Variants in STAU2 observed in about 807,000 individuals in gnomAD.
STAU2 encodes double-stranded RNA-binding protein Staufen homolog 2.
A neutral mutation model predicts 65.9 loss-of-function variants in STAU2; 20 were observed. The ratio of observed to expected loss-of-function variants is 0.30; its 90% CI spans 0.21 to 0.44. The LOEUF is 0.44. STAU2 is among the 20% of genes least tolerant of loss of function. STAU2 has a pLI of 1.00. For synonymous variants in STAU2, 232 were observed against 233.9 expected (o/e 0.99, Z 0.07); for missense variants, 558 against 683.9 (o/e 0.82, Z 2.05).
intron 12 of STAU2, among the ~76,000 whole-genome samples, chr8:73,567,522 A>AT (rs140460978): frequency 0.1 from 15,251 of 149,714 alleles, 1,170 homozygotes; most frequent in East Asian, 0.44. Flanking sequence ...AAAAAAATTG[A>AT]TTTTTTTTTC....
chr8:73,603,957 A>C, intron 9 of STAU2, 94 bp from the exon 10 acceptor site: 1 of 1,295,074 alleles, frequency 7.7e-7, no homozygotes, highest in Non-Finnish European at 1.0e-6. Flanking sequence ...CCACCCCCAC[A>C]CCCCAAAACT....
In STAU2 at chr8:73,438,015, G is replaced by A. The variant is rs150336613; in HGVS notation, c.1531-15313C>T. ...GCTCCCTCCTGCCTCAGGGATTCCC[G>A]CTGGCTAGTCCCTCTGGCCATCCCT... On this transcript the variant is annotated intron_variant, in intron 13 of 14. Coordinates refer to ENST00000524300, the MANE Select transcript of STAU2 (RefSeq NM_001164380.2). 9.8e-4 allele frequency among the ~76,000 whole-genome samples: 149 copies of A among 152,212 alleles called. 3 individuals carry two copies. The South Asian group carries it at 0.018, about 19-fold the overall frequency.
chr8:73,505,873 C>T (rs1297267540), intron 13 of STAU2, among the ~76,000 whole-genome samples: 1 of 151,992 alleles, frequency 6.6e-6, no homozygotes, highest in Non-Finnish European at 1.5e-5. Context: ...GTAGCATCAT[C>T]CCCTTGGTGA....
At chr8:73,469,558 A>G (rs1273156188) in intron 13 of STAU2, among the ~76,000 whole-genome samples, 1 of 151,922 alleles carries the variant, frequency 6.6e-6, no homozygotes, top group Non-Finnish European at 1.5e-5. Context: ...TAGGAGGCCT[A>G]TTCGGCAAAA....
At chr8:73,740,772 G>T (rs909199050) in intron 1 of STAU2, among the ~76,000 whole-genome samples, 2 of 152,086 alleles carry the variant, frequency 1.3e-5, no homozygotes, top group Admixed American at 6.5e-5. Flanking sequence ...AGGCCGAGGT[G>T]GGGGGATCAC....
intron 13 of STAU2, chr8:73,550,573 AT>A: frequency 7.1e-6 from 7 of 979,792 alleles, no homozygotes; most frequent in Non-Finnish European, 8.5e-6. Context: ...TTTATTTCTA[AT>A]TCATCCTACG....
At chr8:73,436,908 G>C (rs966499569) in intron 13 of STAU2, among the ~76,000 whole-genome samples, 5 of 151,984 alleles carry the variant, frequency 3.3e-5, no homozygotes, top group Non-Finnish European at 7.4e-5. Flanking sequence ...TCTTGTTTCA[G>C]GTGTCTCACT....
At chr8:73,676,960 T>C (rs569664033) in intron 5 of STAU2, among the ~76,000 whole-genome samples, 37 of 152,320 alleles carry the variant, frequency 2.4e-4, no homozygotes, top group African/African-American at 7.9e-4. Flanking sequence ...ATTTGCAATA[T>C]ACATATCTGA....
intron 3 of STAU2, among the ~76,000 whole-genome samples, chr8:73,713,024 A>G (rs977544786): frequency 3.9e-5 from 6 of 152,224 alleles, no homozygotes; most frequent in East Asian, 1.9e-4. Context: ...TTATAAACCC[A>G]TAAGTTCGTT....
chr8:73,695,099 T>C (rs1774985517), intron 4 of STAU2, among the ~76,000 whole-genome samples: 1 of 152,106 alleles, frequency 6.6e-6, no homozygotes, highest in African/African-American at 2.4e-5. Context: ...TGAACTAGGA[T>C]GGCACGCAAC....
chr8:73,549,005 TTC>T (rs999341012), intron 13 of STAU2, among the ~76,000 whole-genome samples: 5 of 152,188 alleles, frequency 3.3e-5, no homozygotes, highest in African/African-American at 1.2e-4. Flanking sequence ...ATGAAACAAA[TTC>T]TTTCACTTCA....
chr8:73,550,425 A>T (rs1482446600), intron 13 of STAU2: 2 of 985,392 alleles, frequency 2.0e-6, no homozygotes, highest in African/African-American at 3.5e-5. Context: ...CAGCTACTGT[A>T]ACAACAGCTC....
intron 6 of STAU2, 116 bp downstream of exon 6, chr8:73,672,991 T>C (rs1817792396): frequency 2.1e-6 from 2 of 973,534 alleles, no homozygotes; most frequent in Non-Finnish European, 2.8e-6. Flanking sequence ...CTAAATTCCA[T>C]GCACAATGCC....
intron 12 of STAU2, among the ~76,000 whole-genome samples, chr8:73,574,387 C>T (rs952443788): frequency 2.6e-5 from 4 of 152,116 alleles, no homozygotes; most frequent in Non-Finnish European, 5.9e-5. Context: ...ACCATTTGAC[C>T]CAGCCATCCC....
chr8:73,469,445 AAAGTAT>A (rs909783841), intron 13 of STAU2, among the ~76,000 whole-genome samples: 10 of 143,998 alleles, frequency 6.9e-5, no homozygotes, highest in Non-Finnish European at 4.5e-5. Context: ...CCTAGAACTT[AAAGTAT>A]AATAAAATAT....
chr8:73,608,089 G>C (rs1431097248), intron 9 of STAU2, among the ~76,000 whole-genome samples: 2 of 152,096 alleles, frequency 1.3e-5, no homozygotes, highest in Non-Finnish European at 2.9e-5. Context: ...TAGGATTTTG[G>C]ACTTTATCCA....
At chr8:73,618,178 GAAC>G (rs1442255693) in intron 6 of STAU2, among the ~76,000 whole-genome samples, 1 of 152,104 alleles carries the variant, frequency 6.6e-6, no homozygotes, top group Non-Finnish European at 1.5e-5. Context: ...CTATGACAAT[GAAC>G]AACAACACTT....
At chr8:73,529,466 A>C (rs1805664077) in intron 13 of STAU2, among the ~76,000 whole-genome samples, 1 of 152,216 alleles carries the variant, frequency 6.6e-6, no homozygotes, top group South Asian at 2.1e-4. Context: ...AAGACATGAC[A>C]ATCTCCTAAA....
intron 13 of STAU2, among the ~76,000 whole-genome samples, chr8:73,457,263 T>C (rs954915994): frequency 1.3e-5 from 2 of 152,182 alleles, no homozygotes; most frequent in Admixed American, 6.5e-5. Flanking sequence ...TCCCTTCAGA[T>C]GTTACTATCT....
Sources: gnomAD v4.1 joint callset for allele counts (sites outside exome capture counted in the v4.1 genomes callset) on GRCh38, gnomAD v4.1.1 for gene constraint, MANE v1.5 for transcripts, NCBI Gene and HGNC (gene_info 2026-07-23, HGNC 2026-07-21) for gene names.